Variants in ERBB4 observed in about 807,000 individuals in gnomAD.
ERBB4 encodes erb-b2 receptor tyrosine kinase 4, also known as receptor tyrosine-protein kinase erbB-4.
A neutral mutation model predicts 158.0 loss-of-function variants in ERBB4; 42 were observed. That is an observed-to-expected ratio of 0.27 (90% CI 0.21 to 0.34). The LOEUF is 0.34. Ranked by LOEUF, ERBB4 falls within the 10% of genes least tolerant of loss-of-function variation. The pLI is 1.00. For missense variants in ERBB4, 1,333 were observed against 1,624.1 expected, an observed-to-expected ratio of 0.82 and a Z score of 3.08; for synonymous variants, 583 against 558.7, an observed-to-expected ratio of 1.04 and a Z score of -0.61.
chr2:212,309,668 C>T (rs2086952041), intron 1 of ERBB4, among the ~76,000 whole-genome samples: 1 of 150,560 alleles, frequency 6.6e-6, no homozygotes, highest in Non-Finnish European at 1.5e-5. Context: ...CAATCAAAGA[C>T]TCTTCAAGTC....
intron 4 of ERBB4, among the ~76,000 whole-genome samples, chr2:211,753,550 C>T (rs1347379358): frequency 6.6e-6 from 1 of 151,874 alleles, no homozygotes; most frequent in African/African-American, 2.4e-5. Flanking sequence ...TAACAGCCTC[C>T]TAGCCCAGGA....
At chr2:211,786,403 T>C (rs994553390) in intron 4 of ERBB4, among the ~76,000 whole-genome samples, 2 of 152,202 alleles carry the variant, frequency 1.3e-5, no homozygotes, top group Non-Finnish European at 1.5e-5. Context: ...TAATAAAACT[T>C]TGGCAATCAA....
At chr2:211,588,994 G>A (rs1458718795) in intron 19 of ERBB4, among the ~76,000 whole-genome samples, 1 of 152,134 alleles carries the variant, frequency 6.6e-6, no homozygotes, top group Non-Finnish European at 1.5e-5. Flanking sequence ...TATATTATGA[G>A]TATGTGGAAA....
chr2:211,874,605 C>G (rs1575293816), intron 3 of ERBB4, among the ~76,000 whole-genome samples: 1 of 152,192 alleles, frequency 6.6e-6, no homozygotes, highest in Non-Finnish European at 1.5e-5. Context: ...AAAATCCCTT[C>G]AGGGACCAGT....
intron 20 of ERBB4, among the ~76,000 whole-genome samples, chr2:211,552,182 T>G (rs1574732300): frequency 6.6e-6 from 1 of 152,050 alleles, no homozygotes; most frequent in African/African-American, 2.4e-5. Flanking sequence ...ACATGGATAT[T>G]CAAGGTAATT....
chr2:211,952,146 A>T (rs2080890655), intron 2 of ERBB4, among the ~76,000 whole-genome samples: 4 of 152,080 alleles, frequency 2.6e-5, no homozygotes. Context: ...AAAGAAACAC[A>T]TCATGCCTTA....
At chr2:211,883,244 C>T (rs1386463849) in intron 3 of ERBB4, among the ~76,000 whole-genome samples, 1 of 152,006 alleles carries the variant, frequency 6.6e-6, no homozygotes, top group African/African-American at 2.4e-5. Context: ...GGGAACTGAA[C>T]AATGAGAACA....
At chr2:212,186,921 G>C (rs535978286) in intron 1 of ERBB4, among the ~76,000 whole-genome samples, 30 of 152,006 alleles carry the variant, frequency 2.0e-4, no homozygotes, top group Non-Finnish European at 3.7e-4. Context: ...ATATTCCTCT[G>C]AAGGTAATGA....
At chr2:212,279,710 CTTTCAAAA>C (rs2085681505) in intron 1 of ERBB4, among the ~76,000 whole-genome samples, 6 of 151,516 alleles carry the variant, frequency 4.0e-5, no homozygotes, top group African/African-American at 1.5e-4. Flanking sequence ...TCTTACTTTT[CTTTCAAAA>C]AGTTGGTGAA....
intron 1 of ERBB4, among the ~76,000 whole-genome samples, chr2:212,203,362 T>G (rs2105907371): frequency 6.6e-6 from 1 of 152,164 alleles, no homozygotes; most frequent in East Asian, 1.9e-4. Flanking sequence ...ATGCCTGCCC[T>G]GATAAAGAGA....
At chr2:212,361,437 TAGGCTGTCTGTAAAGTAAATAAC>T (rs2106362800) in intron 1 of ERBB4, among the ~76,000 whole-genome samples, 2 of 151,730 alleles carry the variant, frequency 1.3e-5, no homozygotes, top group East Asian at 3.9e-4. Flanking sequence ...GTTTTGCATA[TAGGCTGTCTGTAAAGTAAATAAC>T]ATCATAACTG....
At chr2:212,472,633 C>T (rs181804299) in intron 1 of ERBB4, among the ~76,000 whole-genome samples, 8 of 151,612 alleles carry the variant, frequency 5.3e-5, no homozygotes, top group African/African-American at 1.7e-4. Flanking sequence ...ACTATCTACA[C>T]GTAAAGGAAT....
intron 20 of ERBB4, among the ~76,000 whole-genome samples, chr2:211,440,834 A>G (rs1186679110): frequency 6.6e-6 from 1 of 152,186 alleles, no homozygotes; most frequent in African/African-American, 2.4e-5. Flanking sequence ...CTAGAGCACT[A>G]AAGGCTCTTA....
At chr2:211,595,015 G>T (rs2068588904) in intron 19 of ERBB4, among the ~76,000 whole-genome samples, 1 of 152,124 alleles carries the variant, frequency 6.6e-6, no homozygotes, top group Admixed American at 6.5e-5. Context: ...TTCTTGAATA[G>T]AATGTCTTTT....
chr2:212,265,826 A>G (rs2085114614), intron 1 of ERBB4, among the ~76,000 whole-genome samples: 1 of 152,100 alleles, frequency 6.6e-6, no homozygotes, highest in African/African-American at 2.4e-5. Flanking sequence ...GTAAATGATC[A>G]AACACATTTT....
At chr2:212,446,389 C>T (rs903455457) in intron 1 of ERBB4, among the ~76,000 whole-genome samples, 2 of 150,632 alleles carry the variant, frequency 1.3e-5, no homozygotes, top group Non-Finnish European at 3.0e-5. Flanking sequence ...GGCAGAAAAA[C>T]GTGAAAAGGA....
At chr2:212,009,420 T>C (rs2076333620) in intron 2 of ERBB4, among the ~76,000 whole-genome samples, 1 of 149,746 alleles carries the variant, frequency 6.7e-6, no homozygotes, top group African/African-American at 2.5e-5. Context: ...GGCTACTAGA[T>C]GTTGGAAGGG....
intron 5 of ERBB4, among the ~76,000 whole-genome samples, chr2:211,727,908 A>C (rs2074316262): frequency 6.6e-6 from 1 of 151,998 alleles, no homozygotes; most frequent in African/African-American, 2.4e-5. Context: ...AGCTTATAGA[A>C]GATTTGGAAA....
intron 12 of ERBB4, among the ~76,000 whole-genome samples, chr2:211,696,965 C>T (rs1231761568): frequency 1.3e-5 from 2 of 152,066 alleles, no homozygotes; most frequent in Non-Finnish European, 2.9e-5. Context: ...CCACCATGCC[C>T]GGCCAATATT....
Sources: gnomAD v4.1 joint callset for allele counts (sites outside exome capture counted in the v4.1 genomes callset) on GRCh38, gnomAD v4.1.1 for gene constraint, MANE v1.5 for transcripts, NCBI Gene and HGNC (gene_info 2026-07-23, HGNC 2026-07-21) for gene names.